Variants in EDIL3 observed in about 807,000 individuals in gnomAD.
EDIL3 encodes the protein EGF-like repeat and discoidin I-like domain-containing protein 3.
In EDIL3, 37 loss-of-function variants were observed where a neutral mutation model predicts 67.4. That is an observed-to-expected ratio of 0.55 (90% CI 0.42 to 0.72). The LOEUF is 0.72. Among genes scored for constraint, EDIL3 ranks in the 30% least tolerant of loss-of-function variants. The probability of loss-of-function intolerance (pLI) is 0.00; values close to 1 mark genes in which losing one functional copy is unlikely to be tolerated. For missense variants in EDIL3, 527 were observed against 586.3 expected (o/e 0.90, Z 1.04); for synonymous variants, 195 against 196.3 (o/e 0.99, Z 0.05).
At chr5:84,031,516 T>C (rs977363759) in intron 9 of EDIL3, among the ~76,000 whole-genome samples, 1 of 152,320 alleles carries the variant, frequency 6.6e-6, no homozygotes, top group East Asian at 1.9e-4. Context: ...TTAGTTTTCT[T>C]TGGAAGGTAA....
intron 1 of EDIL3, among the ~76,000 whole-genome samples, chr5:84,259,794 G>C (rs1016384348): frequency 6.6e-6 from 1 of 152,042 alleles, no homozygotes; most frequent in African/African-American, 2.4e-5. Flanking sequence ...TGCAATCCAT[G>C]ACCTTTTAAC....
At chr5:84,366,091 A>C (rs1398293426) in intron 1 of EDIL3, among the ~76,000 whole-genome samples, 3 of 152,196 alleles carry the variant, frequency 2.0e-5, no homozygotes, top group East Asian at 1.9e-4. Flanking sequence ...CAAAGACTGA[A>C]GTCTTTTTGA....
intron 4 of EDIL3, among the ~76,000 whole-genome samples, chr5:84,161,257 T>C (rs1191228055): frequency 1.3e-5 from 2 of 152,046 alleles, no homozygotes; most frequent in Non-Finnish European, 2.9e-5. Flanking sequence ...AGGTGTTAAA[T>C]AGATAAACTG....
chr5:84,153,306 TA>T (rs763509711), intron 4 of EDIL3, among the ~76,000 whole-genome samples: 2 of 152,088 alleles, frequency 1.3e-5, no homozygotes, highest in African/African-American at 4.8e-5. Flanking sequence ...TTATTATTAT[TA>T]TTTTTTTGAG....
chr5:84,114,430 C>T (rs562829297), intron 5 of EDIL3, among the ~76,000 whole-genome samples: 42 of 152,274 alleles, frequency 2.8e-4, no homozygotes, highest in Middle Eastern at 3.4e-3. Context: ...CTTAGCTTCA[C>T]TTACTCATTC....
intron 1 of EDIL3, among the ~76,000 whole-genome samples, chr5:84,260,611 ACT>A (rs1323290127): frequency 6.6e-6 from 1 of 152,036 alleles, no homozygotes; most frequent in Non-Finnish European, 1.5e-5. Flanking sequence ...TACATGTTGA[ACT>A]CTTTCTTACA....
At chr5:84,317,611 C>T (rs956029870) in intron 1 of EDIL3, among the ~76,000 whole-genome samples, 2 of 151,870 alleles carry the variant, frequency 1.3e-5, no homozygotes, top group Non-Finnish European at 2.9e-5. Context: ...AATAGCCTAC[C>T]AACCAAAAAA....
chr5:84,243,081 G>A (rs1744831660), intron 2 of EDIL3, among the ~76,000 whole-genome samples: 1 of 152,040 alleles, frequency 6.6e-6, no homozygotes, highest in African/African-American at 2.4e-5. Context: ...ATGTGTGTGT[G>A]TGTGTGTGTA....
intron 6 of EDIL3, among the ~76,000 whole-genome samples, chr5:84,105,536 C>T (rs970771495): frequency 4.6e-5 from 7 of 151,976 alleles, no homozygotes; most frequent in African/African-American, 1.4e-4. Flanking sequence ...CTAATTATGT[C>T]ACATCAGGGA....
At chr5:84,090,311 C>G (rs1747141638) in intron 6 of EDIL3, among the ~76,000 whole-genome samples, 1 of 152,128 alleles carries the variant, frequency 6.6e-6, no homozygotes. Flanking sequence ...ACACTGATGT[C>G]TCATTTTGAA....
At chr5:84,111,196 C>A (rs1393676965) in intron 5 of EDIL3, among the ~76,000 whole-genome samples, 6 of 152,124 alleles carry the variant, frequency 3.9e-5, no homozygotes, top group African/African-American at 1.4e-4. Flanking sequence ...GCTTCCTATA[C>A]AGCTTGTGGA....
chr5:84,153,576 T>G (rs1748437364), intron 4 of EDIL3, among the ~76,000 whole-genome samples: 1 of 151,912 alleles, frequency 6.6e-6, no homozygotes, highest in Non-Finnish European at 1.5e-5. Context: ...AATTCTCCTG[T>G]CTCAGCCTCC....
intron 3 of EDIL3, among the ~76,000 whole-genome samples, chr5:84,183,568 C>T (rs1424811712): frequency 2.0e-5 from 3 of 152,000 alleles, no homozygotes; most frequent in South Asian, 2.1e-4. Context: ...AAACCAAATA[C>T]GAATTCAGAA....
intron 2 of EDIL3, among the ~76,000 whole-genome samples, chr5:84,243,003 C>T (rs1744829131): frequency 6.6e-6 from 1 of 152,148 alleles, no homozygotes. Flanking sequence ...TTACATTTAT[C>T]ACAGAATCCC....
At chr5:83,970,790 A>T (rs563423141) in intron 9 of EDIL3, among the ~76,000 whole-genome samples, 28 of 150,900 alleles carry the variant, frequency 1.9e-4, no homozygotes, top group African/African-American at 6.1e-4. Context: ...TCTTCTAGAA[A>T]TTAATAGTAT....
intron 5 of EDIL3, among the ~76,000 whole-genome samples, chr5:84,111,328 G>A (rs1200865914): frequency 6.6e-6 from 1 of 152,126 alleles, no homozygotes; most frequent in Non-Finnish European, 1.5e-5. Flanking sequence ...ACAGTTTATA[G>A]TGTGTCTGTC....
intron 1 of EDIL3, among the ~76,000 whole-genome samples, chr5:84,380,775 C>G (rs1323045827): frequency 6.6e-6 from 1 of 151,956 alleles, no homozygotes; most frequent in Admixed American, 6.5e-5. Context: ...GCTGGTACTA[C>G]TAATTTAACT....
intron 3 of EDIL3, among the ~76,000 whole-genome samples, chr5:84,188,905 T>C (rs1393118109): frequency 6.6e-6 from 1 of 152,052 alleles, no homozygotes; most frequent in Non-Finnish European, 1.5e-5. Flanking sequence ...TGTGGTATTT[T>C]GTAATGGAAG....
chr5:84,206,672 G>A (rs973673639), intron 3 of EDIL3, among the ~76,000 whole-genome samples: 23 of 152,136 alleles, frequency 1.5e-4, no homozygotes, highest in African/African-American at 5.5e-4. Context: ...ACCGAATCCA[G>A]CAGCACATCA....
Sources: gnomAD v4.1 joint callset for allele counts (sites outside exome capture counted in the v4.1 genomes callset) on GRCh38, gnomAD v4.1.1 for gene constraint, MANE v1.5 for transcripts, NCBI Gene and HGNC (gene_info 2026-07-23, HGNC 2026-07-21) for gene names.